TMEM232: variants seen among roughly 807,000 people sequenced by gnomAD.
TMEM232 encodes transmembrane protein 232.
TMEM232 carries 80 observed loss-of-function variants against 78.8 expected under a neutral mutation model. The ratio of observed to expected loss-of-function variants is 1.01; its 90% CI spans 0.85 to 1.22. TMEM232 has a LOEUF of 1.22. Among genes scored for constraint, TMEM232 ranks in the 50% most tolerant of loss-of-function variants. The probability of loss-of-function intolerance (pLI) is 0.00; values close to 1 mark genes in which losing one functional copy is unlikely to be tolerated. For synonymous variants in TMEM232, 297 were observed against 254.3 expected (o/e 1.17, Z -1.60); for missense variants, 881 against 742.2 (o/e 1.19, Z -2.17).
At chr5:110,701,679 A>G (rs1317116284) in intron 1 of TMEM232, among the ~76,000 whole-genome samples, 3 of 152,010 alleles carry the variant, frequency 2.0e-5, no homozygotes, top group African/African-American at 7.2e-5. Context: ...ATGGCTTTCA[A>G]TATACCTAGA....
At chr5:110,634,006 A>T (rs1181708004) in intron 5 of TMEM232, among the ~76,000 whole-genome samples, 2 of 152,154 alleles carry the variant, frequency 1.3e-5, no homozygotes, top group East Asian at 3.9e-4. Context: ...GGAAAAACAT[A>T]CTCCACACAA....
At chr5:110,683,954 T>C (rs1793075501) in intron 1 of TMEM232, among the ~76,000 whole-genome samples, 1 of 152,026 alleles carries the variant, frequency 6.6e-6, no homozygotes, top group African/African-American at 2.4e-5. Context: ...TAAAGCAAAA[T>C]AGTAGGAAAT....
intron 5 of TMEM232, among the ~76,000 whole-genome samples, chr5:110,632,979 A>G (rs1012864947): frequency 4.6e-5 from 7 of 152,194 alleles, no homozygotes; most frequent in Admixed American, 2.0e-4. Flanking sequence ...AAAATTCTAA[A>G]AGAAACAGAA....
chr5:110,610,317 T>A (rs571324452), intron 8 of TMEM232, among the ~76,000 whole-genome samples: 5 of 127,286 alleles, frequency 3.9e-5, no homozygotes, highest in Admixed American at 8.1e-5. Flanking sequence ...ATGAAGTAAA[T>A]GGGGCCCAAC....
intron 12 of TMEM232, among the ~76,000 whole-genome samples, chr5:110,514,534 G>A (rs1022841792): frequency 1.3e-4 from 20 of 151,950 alleles, no homozygotes; most frequent in African/African-American, 4.8e-4. Context: ...TTAGAGCAAT[G>A]TATAGCTTTT....
At chr5:110,467,393 T>C (rs915138731) in intron 12 of TMEM232, among the ~76,000 whole-genome samples, 1 of 152,210 alleles carries the variant, frequency 6.6e-6, no homozygotes, top group Non-Finnish European at 1.5e-5. Flanking sequence ...GCTGATGAGA[T>C]AAAACTGAAT....
chr5:110,564,177 A>T (rs1776067367), intron 11 of TMEM232, among the ~76,000 whole-genome samples: 1 of 151,968 alleles, frequency 6.6e-6, no homozygotes, highest in African/African-American at 2.4e-5. Context: ...GAATATTAGG[A>T]TAATTGCTCC....
chr5:110,710,863 G>C (rs1796402096), intron 1 of TMEM232, among the ~76,000 whole-genome samples: 1 of 152,106 alleles, frequency 6.6e-6, no homozygotes, highest in African/African-American at 2.4e-5. Context: ...ACATGACAAG[G>C]ATGCCCACTT....
intron 12 of TMEM232, among the ~76,000 whole-genome samples, chr5:110,518,945 A>G (rs1424621870): frequency 1.3e-5 from 2 of 152,186 alleles, no homozygotes; most frequent in South Asian, 2.1e-4. Flanking sequence ...ATTGAAAAAA[A>G]AAACACATAA....
In TMEM232 at chr5:110,431,152, C is replaced by G. The variant is rs115793712; in HGVS notation, c.1704-6236G>C. Among the ~76,000 whole-genome samples the G allele has an allele frequency of 5.2e-3, 784 of 151,578 alleles. 7 individuals are homozygous for G. The highest frequency in any genetic ancestry group is 0.018 in the African/African-American group (727 of 41,412). ...AGAGAAGTGAGCACCACACACACCACTAAGTTTCCCCCCAAGAATGTTCTA... is the reference window on the plus strand; with the variant it reads ...AGAGAAGTGAGCACCACACACACCAGTAAGTTTCCCCCCAAGAATGTTCTA... On this transcript the variant is annotated intron_variant, in intron 12 of 13. Coordinates refer to ENST00000455884, the MANE Select transcript of TMEM232 (RefSeq NM_001039763.4).
intron 1 of TMEM232, among the ~76,000 whole-genome samples, chr5:110,719,065 C>T (rs1207829809): frequency 1.3e-5 from 2 of 152,064 alleles, no homozygotes; most frequent in Non-Finnish European, 2.9e-5. Context: ...GCACCTACTA[C>T]ACACCTAGGC....
intron 1 of TMEM232, among the ~76,000 whole-genome samples, chr5:110,711,905 G>A (rs1446273087): frequency 6.6e-6 from 1 of 151,904 alleles, no homozygotes; most frequent in Non-Finnish European, 1.5e-5. Context: ...AGGAGAACAA[G>A]ACCATACCGG....
rs568536722 is a variant in TMEM232, at chr5:110,544,697, AT to A, written c.1456-15863del. Among the ~76,000 whole-genome samples, 1,172 of 151,882 alleles carry A rather than the reference AT, an allele frequency of 7.7e-3. 33 individuals carry two copies. Among genetic ancestry groups the A allele is most frequent in the Admixed American group, 0.056 (859 of 15,222 alleles). ...AGATATTTAACTTGTTTTTGAAAAT[AT>A]TTTTTTTCTTAAATGTTTTTCAAAA... On this transcript the variant is annotated intron_variant, in intron 11 of 13. Coordinates refer to ENST00000455884, the MANE Select transcript of TMEM232 (RefSeq NM_001039763.4).
At chr5:110,395,661 T>C (rs978594701) in intron 3 of TMEM232, among the ~76,000 whole-genome samples, 2 of 152,188 alleles carry the variant, frequency 1.3e-5, no homozygotes, top group African/African-American at 4.8e-5. Context: ...ATACTCTTTA[T>C]AGCATTCTAC....
chr5:110,535,381 A>G (rs1380205611), intron 11 of TMEM232, among the ~76,000 whole-genome samples: 3 of 151,728 alleles, frequency 2.0e-5, no homozygotes, highest in Non-Finnish European at 4.4e-5. Flanking sequence ...ACCTACCCAA[A>G]TCCTATAAAA....
At chr5:110,503,594 T>C (rs572950568) in intron 12 of TMEM232, among the ~76,000 whole-genome samples, 1 of 152,120 alleles carries the variant, frequency 6.6e-6, no homozygotes, top group South Asian at 2.1e-4. Flanking sequence ...GATTAAGGAA[T>C]GATTGATTCC....
intron 12 of TMEM232, among the ~76,000 whole-genome samples, chr5:110,469,589 G>A (rs1253089994): frequency 6.6e-6 from 1 of 152,214 alleles, no homozygotes. Context: ...GGGAAATGGT[G>A]CCTTGGTGGA....
intron 1 of TMEM232, among the ~76,000 whole-genome samples, chr5:110,669,558 C>A (rs1057148671): frequency 2.0e-5 from 3 of 151,990 alleles, no homozygotes; most frequent in Admixed American, 1.3e-4. Flanking sequence ...AGGTACAAGG[C>A]GGAACTAGTA....
At chr5:110,653,809 G>A (rs535714161) in intron 2 of TMEM232, among the ~76,000 whole-genome samples, 13 of 152,246 alleles carry the variant, frequency 8.5e-5, no homozygotes, top group African/African-American at 2.4e-4. Flanking sequence ...ATTTACCTAT[G>A]AGACATCCAA....
Sources: gnomAD v4.1 joint callset for allele counts (sites outside exome capture counted in the v4.1 genomes callset) on GRCh38, gnomAD v4.1.1 for gene constraint, MANE v1.5 for transcripts, NCBI Gene and HGNC (gene_info 2026-07-23, HGNC 2026-07-21) for gene names.